The following ANKS1A variants were observed in gnomAD, a reference collection of about 807,000 sequenced individuals.
ANKS1A encodes ankyrin repeat and sterile alpha motif domain containing 1A.
A neutral mutation model predicts 120.3 loss-of-function variants in ANKS1A; 55 were observed. The observed-to-expected ratio is 0.46, with a 90% CI of 0.37 to 0.57. The LOEUF is 0.57. Ranked by LOEUF, ANKS1A falls within the 20% of genes least tolerant of loss-of-function variation. The pLI is 0.00. For synonymous variants in ANKS1A, 590 were observed against 604.7 expected (o/e 0.98, Z 0.36); for missense variants, 1,123 against 1,480.3 (o/e 0.76, Z 3.96).
intron 10 of ANKS1A, among the ~76,000 whole-genome samples, chr6:35,006,714 C>T (rs1773477561): frequency 6.6e-6 from 1 of 152,178 alleles, no homozygotes; most frequent in South Asian, 2.1e-4. Flanking sequence ...AAGATCGCAC[C>T]ACTGCACTCC....
intron 1 of ANKS1A, among the ~76,000 whole-genome samples, chr6:34,940,291 G>C (rs1440153509): frequency 5.9e-5 from 9 of 152,166 alleles, no homozygotes; most frequent in Non-Finnish European, 1.3e-4. Flanking sequence ...CTGACCCGAA[G>C]ATGGAACCAG....
At chr6:34,971,364 G>T (rs1301391649) in intron 3 of ANKS1A, among the ~76,000 whole-genome samples, 1 of 152,106 alleles carries the variant, frequency 6.6e-6, no homozygotes, top group Non-Finnish European at 1.5e-5. Context: ...TATATCTTTG[G>T]AAAAAATTGT....
At position 34,981,984 on chromosome 6, in the gene ANKS1A, C is replaced by T; in HGVS notation, c.730C>T (p.Gln244Ter). Residue 244 changes from glutamine to a stop codon, truncating the protein, a stop_gained and splice_region_variant, in exon 4 of 24, where the codon CAG becomes TAG. Transcript: ENST00000360359. LOFTEE classifies it high-confidence loss of function. The part of the protein sequence containing the change: ...LLDAGMDSNY[Q>*]TEMGSALHEA... ...CGATGCTGGCATGGACAGCAACTAC[C>T]AGGTAGCAGGGCGGGTGGGGGCTCC... 1 of 1,613,614 alleles carries T rather than the reference C, an allele frequency of 6.2e-7. No individual in the cohort carries two copies. The highest frequency in any genetic ancestry group is 8.5e-7 in the Non-Finnish European group (1 of 1,179,612).
At chr6:35,051,057 T>TA (rs1775937468) in intron 11 of ANKS1A, among the ~76,000 whole-genome samples, 2 of 152,116 alleles carry the variant, frequency 1.3e-5, no homozygotes, top group South Asian at 4.1e-4. Context: ...CCCGGGTTTC[T>TA]GGGTCAGGCA....
At chr6:34,957,181 G>C (rs931205021) in intron 1 of ANKS1A, among the ~76,000 whole-genome samples, 3 of 152,136 alleles carry the variant, frequency 2.0e-5, no homozygotes, top group Non-Finnish European at 4.4e-5. Context: ...TTTTAATGGG[G>C]TTCAGGAGAG....
At chr6:35,076,224 C>T (rs768765877) in intron 13 of ANKS1A, among the ~76,000 whole-genome samples, 46 of 152,122 alleles carry the variant, frequency 3.0e-4, no homozygotes, top group Non-Finnish European at 5.6e-4. Flanking sequence ...GAGATCGAGA[C>T]CATCCTGGCT....
intron 1 of ANKS1A, among the ~76,000 whole-genome samples, chr6:34,913,777 C>T (rs1020617530): frequency 9.9e-5 from 15 of 152,030 alleles, no homozygotes; most frequent in Non-Finnish European, 4.4e-5. Context: ...GGACTATAGG[C>T]GTGCACCACC....
chr6:35,084,495 T>TTTC lies in ANKS1A; in HGVS notation c.3132+239_3132+240insCTT, dbSNP rs1169608478. ...CACTAGGGACAGGAGGTTCCAGCTT[T>TTTC]TTTTTTTTTTTTTTAAGAGATGGAG... On this transcript the variant is annotated intron_variant, in intron 21 of 23. Transcript: ENST00000360359. This position sits in a 1 kb window ranked among gnomAD's most constrained non-coding sequence, Gnocchi z 4.8. 1.3e-5 allele frequency among the ~76,000 whole-genome samples: 2 copies of TTTC among 150,214 alleles called. No individual in the cohort carries two copies. The highest frequency in any genetic ancestry group is 4.9e-5 in the African/African-American group (2 of 40,886).
chr6:34,988,355 G>T (rs1407128896), intron 8 of ANKS1A, among the ~76,000 whole-genome samples: 2 of 152,216 alleles, frequency 1.3e-5, no homozygotes, highest in African/African-American at 2.4e-5. Context: ...CCAGCACTTT[G>T]GGAGGCCAAG....
At chr6:35,042,032 A>C (rs3823437) in intron 11 of ANKS1A, among the ~76,000 whole-genome samples, 4 of 152,126 alleles carry the variant, frequency 2.6e-5, no homozygotes. Context: ...GAGCAGAGAA[A>C]TGGGGGGAAG....
intron 8 of ANKS1A, among the ~76,000 whole-genome samples, chr6:34,986,563 C>T (rs984486543): frequency 6.6e-6 from 1 of 152,160 alleles, no homozygotes; most frequent in Admixed American, 6.5e-5. Context: ...TGGCTTGTGA[C>T]CATTTTGATG....
chr6:35,043,596 T>C (rs1581692050), intron 11 of ANKS1A, among the ~76,000 whole-genome samples: 1 of 152,358 alleles, frequency 6.6e-6, no homozygotes, highest in South Asian at 2.1e-4. Flanking sequence ...CATGTGCCAT[T>C]GTTCCAGTAG....
Position 34,972,732 on chromosome 6 carries a change from C to T in ANKS1A, c.435+2566C>T, listed in dbSNP as rs115879720. On this transcript the variant is annotated intron_variant, in intron 3 of 23. Coordinates refer to ENST00000360359, the MANE Select transcript of ANKS1A (RefSeq NM_015245.3). ...CTCTCCGCTTCTACTCTTGTCCACT[C>T]AGGGTCCTCCTCATCATGCTGACTG... The T allele has an allele frequency of 1.6e-4, 99 of 619,666 alleles. No individual in the cohort carries two copies. In the African/African-American group the frequency reaches 1.9e-3, roughly 12 times the overall value. The allele number at this position is 619,666 out of a possible 1,614,324, so 38.4% of individuals were successfully genotyped here.
At chr6:35,091,515 C>T, downstream of ANKS1A, 2 of 787,770 alleles carry the variant, frequency 2.5e-6, no homozygotes, top group Non-Finnish European at 3.1e-6. Flanking sequence ...GCATCCTACA[C>T]CGTTTGGCTG....
chr6:34,923,359 G>A (rs1367682455), intron 1 of ANKS1A, among the ~76,000 whole-genome samples: 1 of 152,214 alleles, frequency 6.6e-6, no homozygotes, highest in Non-Finnish European at 1.5e-5. Context: ...GGACCTTGAG[G>A]CCAATGAAGG....
intron 9 of ANKS1A, 70 bp from the exon 10 acceptor site, chr6:34,994,232 A>T: frequency 6.4e-7 from 1 of 1,556,080 alleles, no homozygotes; most frequent in Non-Finnish European, 8.7e-7. Context: ...ATAATCTCGA[A>T]TTTGTTCCAG....
At chr6:35,064,349 C>T (rs113640014) in intron 13 of ANKS1A, among the ~76,000 whole-genome samples, 1,557 of 152,288 alleles carry the variant, frequency 0.01, 10 homozygotes, top group African/African-American at 0.023. Context: ...TCGGCCAGGC[C>T]GGATGGGAGG....
rs1210718122 is a variant in ANKS1A at position 34,914,691 on chromosome 6, G to A, written c.197+25092G>A. Among the ~76,000 whole-genome samples the A allele has an allele frequency of 2.0e-5, 3 of 152,256 alleles. No homozygotes were observed. In the East Asian group the frequency reaches 5.8e-4, roughly 29 times the overall value. On this transcript the variant is annotated intron_variant, in intron 1 of 23. Coordinates refer to ENST00000360359, the MANE Select transcript of ANKS1A (RefSeq NM_015245.3). Reference sequence around the variant, plus strand: ...TTAGGTTTATTTTATTAAAAAACAGGCCTTTGGGCTTCCTGTGTTATTGAT... The same window carrying A: ...TTAGGTTTATTTTATTAAAAAACAGACCTTTGGGCTTCCTGTGTTATTGAT...
Position 34,994,343 on chromosome 6 carries a change from GGAA to G in ANKS1A, c.1350_1352del (p.Glu450del). 1.2e-6 allele frequency: 2 copies of G among 1,613,718 alleles called. No individual in the cohort carries two copies. The highest frequency in any genetic ancestry group is 1.7e-6 in the Non-Finnish European group (2 of 1,179,708). On this transcript the variant is annotated inframe_deletion, in exon 10 of 24. Coordinates refer to ENST00000360359, the MANE Select transcript of ANKS1A (RefSeq NM_015245.3). ...CTAGGATTCATGGGAGTGCAGCCCG[GGAA>G]GAAGACGAACACCCTTATGAACTGT...
Sources: allele counts gnomAD v4.1 joint callset (sites outside exome capture counted in the v4.1 genomes callset), GRCh38; gene constraint gnomAD v4.1.1; non-coding constraint Gnocchi (gnomAD v3.1); transcripts MANE v1.5; gene names NCBI Gene and HGNC (gene_info 2026-07-23, HGNC 2026-07-21).